OXNAD1: variants seen among roughly 807,000 people sequenced by gnomAD.
OXNAD1 encodes oxidoreductase NAD-binding domain-containing protein 1.
A neutral mutation model predicts 32.9 loss-of-function variants in OXNAD1; 34 were observed. The ratio of observed to expected loss-of-function variants is 1.03; its 90% CI spans 0.79 to 1.38. The LOEUF (loss-of-function observed/expected upper bound fraction) is 1.38. OXNAD1 is among the 40% of genes most tolerant of loss of function. The pLI, the probability that OXNAD1 is intolerant of heterozygous loss-of-function variation, is 0.00. For synonymous variants in OXNAD1, 134 were observed against 135.2 expected (o/e 0.99, Z 0.06); for missense variants, 407 against 379.4 (o/e 1.07, Z -0.60).
intron 9 of OXNAD1, among the ~76,000 whole-genome samples, chr3:16,343,846 A>G (rs2125296940): frequency 6.6e-6 from 1 of 152,338 alleles, no homozygotes; most frequent in Non-Finnish European, 1.5e-5. Context: ...AGGTAAGGTG[A>G]AATGTGGTTG....
At position 16,334,481 on chromosome 3, in the gene OXNAD1, A is replaced by G. The variant is rs2125259803; in HGVS notation, c.*31-2631A>G. ...CACTGGAGAGCGGTCTGCAGTAGCA[A>G]GACACTGGAAACTACTCAAGTGCCC... On this transcript the variant is annotated intron_variant, in intron 9 of 9. Transcript: ENST00000435829. This position sits in a 1 kb window ranked among gnomAD's most constrained non-coding sequence, Gnocchi z 4.3. Among the ~76,000 whole-genome samples the G allele has an allele frequency of 6.6e-6, 1 of 152,346 alleles. No homozygotes were observed. Among genetic ancestry groups the G allele is most frequent in the Middle Eastern group, 3.4e-3 (1 of 294 alleles).
chr3:16,282,606 G>A (rs888637015), intron 4 of OXNAD1, among the ~76,000 whole-genome samples: 1 of 152,038 alleles, frequency 6.6e-6, no homozygotes, highest in Non-Finnish European at 1.5e-5. Context: ...CCTCAGGCAG[G>A]GGGTGTTACT....
rs989060197 is a variant in OXNAD1, at chr3:16,345,425, T to G, written c.*31-3751T>G. On this transcript the variant is annotated intron_variant, in intron 9 of 9. Transcript: ENST00000606098. The surrounding 1 kb of genome is among the most constrained non-coding windows in gnomAD (Gnocchi z 5.2). Reference sequence around the variant, plus strand: ...CCACAGGATGCATAAACATTATTTTTGGGCATGTTGTGAGGGTGTTTCTGG... The same window carrying G: ...CCACAGGATGCATAAACATTATTTTGGGGCATGTTGTGAGGGTGTTTCTGG... Among the ~76,000 whole-genome samples the G allele has an allele frequency of 6.6e-6, 1 of 152,192 alleles. No individual in the cohort carries two copies. The highest frequency in any genetic ancestry group is 2.4e-5 in the African/African-American group (1 of 41,436).
downstream of OXNAD1, among the ~76,000 whole-genome samples, chr3:16,338,917 C>T (rs1426060264): frequency 6.6e-6 from 1 of 152,218 alleles, no homozygotes; most frequent in Non-Finnish European, 1.5e-5. The surrounding 1 kb of genome is among the most constrained non-coding windows in gnomAD (Gnocchi z 5.3). Flanking sequence ...GTCCCCTCCA[C>T]CTGTCAGCAG....
chr3:16,334,814 C>G lies in OXNAD1; in HGVS notation c.*31-2298C>G, dbSNP rs887456429. ...TGGCAGATATGATTAAGCTAAGGATCTTGAGATGGAGAGTTTATCCAGGAT... is the reference window on the plus strand; with the variant it reads ...TGGCAGATATGATTAAGCTAAGGATGTTGAGATGGAGAGTTTATCCAGGAT... On this transcript the variant is annotated intron_variant, in intron 9 of 9. Transcript: ENST00000435829. The surrounding 1 kb of genome is among the most constrained non-coding windows in gnomAD (Gnocchi z 4.3). Among the ~76,000 whole-genome samples the G allele has an allele frequency of 2.6e-5, 4 of 152,164 alleles. No homozygotes were observed. Among genetic ancestry groups the G allele is most frequent in the African/African-American group, 4.8e-5 (2 of 41,426 alleles).
chr3:16,282,066 A>C (rs1052424464), intron 4 of OXNAD1, among the ~76,000 whole-genome samples: 3 of 109,844 alleles, frequency 2.7e-5, no homozygotes, highest in Admixed American at 2.2e-4. Flanking sequence ...TTTTTTGTAG[A>C]GATGTGGGGT....
In OXNAD1 at chr3:16,329,119, A is replaced by T. The variant is rs1317815730; in HGVS notation, c.*31-7993A>T. Reference sequence around the variant, plus strand: ...AATGGGTTAATGCCAACTCAGGCAAAGGGCTTGAGGCTACAAGTTCAGTCT... The same window carrying T: ...AATGGGTTAATGCCAACTCAGGCAATGGGCTTGAGGCTACAAGTTCAGTCT... On this transcript the variant is annotated intron_variant, in intron 9 of 9. Coordinates refer to the OXNAD1 transcript ENST00000435829. This position sits in a 1 kb window ranked among gnomAD's most constrained non-coding sequence, Gnocchi z 4.5. 6.6e-6 allele frequency among the ~76,000 whole-genome samples: 1 copy of T among 152,210 alleles called. No homozygotes were observed. The highest frequency in any genetic ancestry group is 1.5e-5 in the Non-Finnish European group (1 of 68,048).
intron 9 of OXNAD1, chr3:16,326,675 A>G (rs768360426): frequency 1.1e-5 from 10 of 880,032 alleles, no homozygotes; most frequent in South Asian, 3.3e-5. Context: ...CCTCTTGCAC[A>G]GGATTAAATA....
In OXNAD1 at chr3:16,302,841, G is replaced by C. The variant is rs894102939; in HGVS notation, c.784+93G>C. On this transcript the variant is annotated intron_variant, in intron 8 of 8. Coordinates refer to ENST00000285083, the MANE Select transcript of OXNAD1 (RefSeq NM_138381.5). This position sits in a 1 kb window ranked among gnomAD's most constrained non-coding sequence, Gnocchi z 4.2. ...CGTAGATGCTTTATTGTTGGAAGCT[G>C]CTGGCTGGGAATGTCACTATCTGGG... 34 of 934,070 alleles carry C rather than the reference G, an allele frequency of 3.6e-5. No homozygotes were observed. In the African/African-American group the frequency reaches 5.7e-4, roughly 16 times the overall value. 57.9% of individuals were successfully genotyped at this position (934,070 alleles called of 1,614,324 possible).
In OXNAD1 at chr3:16,305,879, G is replaced by A. The variant is rs1221710042; in HGVS notation, c.*2317G>A. On this transcript the variant is annotated 3_prime_UTR_variant, in exon 9 of 9. Transcript: ENST00000285083. The surrounding 1 kb of genome is among the most constrained non-coding windows in gnomAD (Gnocchi z 4.5). Reference sequence around the variant, plus strand: ...AAGTGCTTGGCAGAGCACTGCATGAGTGTGTTGTCGTTATTAATTTGCTAT... The same window carrying A: ...AAGTGCTTGGCAGAGCACTGCATGAATGTGTTGTCGTTATTAATTTGCTAT... 1 of 152,212 alleles carries A rather than the reference G, an allele frequency of 6.6e-6. No individual in the cohort carries two copies. The highest frequency in any genetic ancestry group is 2.4e-5 in the African/African-American group (1 of 41,446). The allele number at this position is 152,212 out of a possible 1,614,324, so 9.4% of individuals were successfully genotyped here. A position where few individuals can be genotyped will look rare whatever the true frequency, so the allele number is the denominator to read the frequency against.
chr3:16,350,893 C>G (rs1016184560), downstream of OXNAD1, among the ~76,000 whole-genome samples: 1 of 152,150 alleles, frequency 6.6e-6, no homozygotes, highest in Admixed American at 6.5e-5. Context: ...TTAAAAAGAA[C>G]AAATATTGGC....
chr3:16,272,381 A>G (rs757362393), intron 4 of OXNAD1: 86 of 233,082 alleles, frequency 3.7e-4, no homozygotes, highest in Non-Finnish European at 6.3e-4. Flanking sequence ...GCTTTTTTGA[A>G]TGTTTATCAC....
At position 16,298,548 on chromosome 3, in the gene OXNAD1, G is replaced by C. The variant is rs560502515; in HGVS notation, c.433-3078G>C. Among the ~76,000 whole-genome samples, 3 of 152,112 alleles carry C rather than the reference G, an allele frequency of 2.0e-5. No individual in the cohort carries two copies. The highest frequency in any genetic ancestry group is 4.4e-5 in the Non-Finnish European group (3 of 68,014). On this transcript the variant is annotated intron_variant, in intron 6 of 8. Coordinates refer to ENST00000285083, the MANE Select transcript of OXNAD1 (RefSeq NM_138381.5). This position sits in a 1 kb window ranked among gnomAD's most constrained non-coding sequence, Gnocchi z 5.1. Reference sequence around the variant, plus strand: ...GTTGCAAACAGCCTTTATGAAGTCAGATTTTTCTTGGAATCATTTTCAGGT... The same window carrying C: ...GTTGCAAACAGCCTTTATGAAGTCACATTTTTCTTGGAATCATTTTCAGGT...
rs1336829115 is a variant in OXNAD1 at position 16,344,129 on chromosome 3, A to C, written c.*31-5047A>C. Among the ~76,000 whole-genome samples the C allele has an allele frequency of 6.6e-6, 1 of 152,208 alleles. No homozygotes were observed. The highest frequency in any genetic ancestry group is 1.5e-5 in the Non-Finnish European group (1 of 68,024). On this transcript the variant is annotated intron_variant, in intron 9 of 9. Coordinates refer to the OXNAD1 transcript ENST00000606098. The surrounding 1 kb of genome is among the most constrained non-coding windows in gnomAD (Gnocchi z 4.4). ...TCTTTTTCATTGGAATTGCTGTCAA[A>C]TCAGGTATGCTTCATTCTATATTAT... is the stretch of plus-strand genomic sequence containing the variant.
In OXNAD1 at chr3:16,290,325, G is replaced by A. The variant is rs1344474166; in HGVS notation, c.290+3877G>A. Among the ~76,000 whole-genome samples the A allele has an allele frequency of 6.6e-6, 1 of 152,134 alleles. No individual in the cohort carries two copies. Among genetic ancestry groups the A allele is most frequent in the African/African-American group, 2.4e-5 (1 of 41,426 alleles). On this transcript the variant is annotated intron_variant, in intron 5 of 8. Transcript: ENST00000285083. This position sits in a 1 kb window ranked among gnomAD's most constrained non-coding sequence, Gnocchi z 4.2. ...AGATGTTTTATGAAATATGTATTGT[G>A]CATATTTTCTTAAATCCATTCAGAT...
chr3:16,305,578 C>T lies in OXNAD1; in HGVS notation c.*2016C>T, dbSNP rs1470209352. 6.6e-6 allele frequency: 1 copy of T among 152,178 alleles called. No individual in the cohort carries two copies. The highest frequency in any genetic ancestry group is 2.4e-5 in the African/African-American group (1 of 41,440). 9.4% of individuals were successfully genotyped at this position (152,178 alleles called of 1,614,324 possible). A position where few individuals can be genotyped will look rare whatever the true frequency, so the allele number is the denominator to read the frequency against. ...TCTTGCCTGCCAGGCCTGTCCAGAT[C>T]TTTTTGGTACTTAAATTGAGCTAAC... On this transcript the variant is annotated 3_prime_UTR_variant, in exon 9 of 9. Transcript: ENST00000285083. This position sits in a 1 kb window ranked among gnomAD's most constrained non-coding sequence, Gnocchi z 4.5.
intron 9 of OXNAD1, among the ~76,000 whole-genome samples, chr3:16,318,838 T>C (rs689716): frequency 0.58 from 88,391 of 152,114 alleles, 25,870 homozygotes; most frequent in African/African-American, 0.66. Context: ...CAGACTTCCC[T>C]TAGGAGATGG....
At position 16,337,050 on chromosome 3, in the gene OXNAD1, G is replaced by A. The variant is rs2070925438; in HGVS notation, c.*31-62G>A. ...CTGACAAATAGGATATGGCAGATGT[G>A]ACATTACGGTCATCCTGAACCTAGG... On this transcript the variant is annotated intron_variant, in intron 9 of 9. Coordinates refer to the OXNAD1 transcript ENST00000435829. This position sits in a 1 kb window ranked among gnomAD's most constrained non-coding sequence, Gnocchi z 5.0. 1 of 152,184 alleles carries A rather than the reference G, an allele frequency of 6.6e-6. No homozygotes were observed. The highest frequency in any genetic ancestry group is 6.5e-5 in the Admixed American group (1 of 15,274). The allele number at this position is 152,184 out of a possible 1,614,324, so 9.4% of individuals were successfully genotyped here. A position where few individuals can be genotyped will look rare whatever the true frequency, so the allele number is the denominator to read the frequency against.
At chr3:16,286,540 T>G in intron 5 of OXNAD1, 92 bp downstream of exon 5, 398 of 882,180 alleles carry the variant, frequency 4.5e-4, no homozygotes, top group Non-Finnish European at 4.9e-4. Flanking sequence ...AGGCTAGCCA[T>G]TCCCTTGAGG....
Sources: allele counts gnomAD v4.1 joint callset (sites outside exome capture counted in the v4.1 genomes callset), GRCh38; gene constraint gnomAD v4.1.1; non-coding constraint Gnocchi (gnomAD v3.1); transcripts MANE v1.5; gene names NCBI Gene and HGNC (gene_info 2026-07-23, HGNC 2026-07-21).